SCN8A: variants seen among roughly 807,000 people sequenced by gnomAD.
SCN8A encodes sodium channel protein type 8 subunit alpha.
Under a neutral mutation model 184.1 loss-of-function variants are expected in SCN8A, and 30 were observed. The ratio of observed to expected loss-of-function variants is 0.16; its 90% CI spans 0.12 to 0.22. The LOEUF (loss-of-function observed/expected upper bound fraction) is 0.22, where lower values mean the gene tolerates loss of function less well. Among genes scored for constraint, SCN8A ranks in the 10% least tolerant of loss-of-function variants. SCN8A has a pLI of 1.00. For missense variants in SCN8A, 1,057 were observed against 2,498.9 expected, an observed-to-expected ratio of 0.42 and a Z score of 12.30; for synonymous variants, 852 against 907.0, an observed-to-expected ratio of 0.94 and a Z score of 1.09.
intron 25 of SCN8A, among the ~76,000 whole-genome samples, chr12:51,792,845 C>T (rs935881598): frequency 2.0e-5 from 3 of 152,164 alleles, no homozygotes; most frequent in Non-Finnish European, 4.4e-5. Flanking sequence ...CAGGTTCAAG[C>T]AATTCTCGTG....
intron 21 of SCN8A, among the ~76,000 whole-genome samples, chr12:51,781,874 A>G (rs2081250506): frequency 6.6e-6 from 1 of 152,204 alleles, no homozygotes; most frequent in Non-Finnish European, 1.5e-5. Flanking sequence ...AATAAAAATT[A>G]AACTGTTACG....
chr12:51,696,664 A>T (rs1238212107), intron 6 of SCN8A, among the ~76,000 whole-genome samples: 1 of 152,200 alleles, frequency 6.6e-6, no homozygotes, highest in East Asian at 1.9e-4. Flanking sequence ...ACTGCTGTGT[A>T]GTGGTGTGTT....
At position 51,721,640 on chromosome 12, in the gene SCN8A, C is replaced by T. The variant is rs373820887; in HGVS notation, c.1730C>T (p.Pro577Leu). 2 of 1,611,652 alleles carry T rather than the reference C, an allele frequency of 1.2e-6. No individual in the cohort carries two copies. The highest frequency in any genetic ancestry group is 1.7e-6 in the Non-Finnish European group (2 of 1,178,916). The change falls in exon 12 of 27, where the codon CCG becomes CTG. Residue 577 changes from proline to leucine, a missense_variant. Transcript: ENST00000627620. ...AGGGGACCTGGGCGGTTCCGAGACC[C>T]GGGCTCCGAGAATGAGTTCGCGGAT... ...SFRGPGRFRDPGSENEFADDE... is the reference protein window; with the variant it reads ...SFRGPGRFRDLGSENEFADDE...
intron 13 of SCN8A, among the ~76,000 whole-genome samples, chr12:51,747,349 T>C (rs1007433340): frequency 8.5e-5 from 13 of 152,184 alleles, no homozygotes; most frequent in African/African-American, 3.1e-4. Flanking sequence ...ATAGAACATC[T>C]TCAAGCTTTG....
chr12:51,641,729 G>A (rs142006052), intron 1 of SCN8A, among the ~76,000 whole-genome samples: 1 of 152,214 alleles, frequency 6.6e-6, no homozygotes, highest in Non-Finnish European at 1.5e-5. Flanking sequence ...AAGGCAGTGT[G>A]TTATAGAAAA....
At chr12:51,649,931 C>T (rs923856124) in intron 1 of SCN8A, among the ~76,000 whole-genome samples, 2 of 152,174 alleles carry the variant, frequency 1.3e-5, no homozygotes, top group African/African-American at 2.4e-5. Flanking sequence ...CAAATTTTTA[C>T]TCTCAGCTTC....
rs911670402 is a variant in SCN8A at position 51,620,155 on chromosome 12, G to A, written c.-55+28796G>A. 2.6e-5 allele frequency among the ~76,000 whole-genome samples: 4 copies of A among 152,258 alleles called. No individual in the cohort carries two copies. In the East Asian group the frequency reaches 7.7e-4, roughly 29 times the overall value. On this transcript the variant is annotated intron_variant, in intron 1 of 26. Transcript: ENST00000627620. ...ATTGTGGTGATAATTTTAAGTCAAAGCTTTCTTGGAAAATCTGAGATGCAG... is the reference window on the plus strand; with the variant it reads ...ATTGTGGTGATAATTTTAAGTCAAAACTTTCTTGGAAAATCTGAGATGCAG...
chr12:51,672,288 CTTTCATGAT>C (rs1052433490), intron 2 of SCN8A, among the ~76,000 whole-genome samples: 1 of 152,168 alleles, frequency 6.6e-6, no homozygotes, highest in Non-Finnish European at 1.5e-5. Context: ...ATCCTCACCC[CTTTCATGAT>C]ATTATAAGAT....
intron 6 of SCN8A, among the ~76,000 whole-genome samples, chr12:51,691,859 G>C (rs1022217651): frequency 1.5e-4 from 23 of 152,180 alleles, no homozygotes; most frequent in African/African-American, 5.1e-4. Flanking sequence ...CATCCCATGG[G>C]AAATTCTGAA....
At chr12:51,781,789 A>G (rs1177573215) in intron 21 of SCN8A, among the ~76,000 whole-genome samples, 1 of 152,232 alleles carries the variant, frequency 6.6e-6, no homozygotes, top group Non-Finnish European at 1.5e-5. Context: ...AACTCGCTTC[A>G]ATTCAGATGT....
intron 2 of SCN8A, among the ~76,000 whole-genome samples, chr12:51,680,662 G>A (rs1036816368): frequency 5.3e-5 from 8 of 152,220 alleles, no homozygotes; most frequent in Non-Finnish European, 1.0e-4. Context: ...TTTCCATCAC[G>A]ACCAAACCAA....
In SCN8A at chr12:51,624,609, T is replaced by G. The variant is rs570253624; in HGVS notation, c.-55+33250T>G. On this transcript the variant is annotated intron_variant, in intron 1 of 26. Coordinates refer to ENST00000627620, the MANE Select transcript of SCN8A (RefSeq NM_001330260.2). Reference sequence around the variant, plus strand: ...TTTCTTTTGCTGTGCAGAAGCTCTTTAGTTTAATTAGATCCCATTTGTCAA... The same window carrying G: ...TTTCTTTTGCTGTGCAGAAGCTCTTGAGTTTAATTAGATCCCATTTGTCAA... Among the ~76,000 whole-genome samples, 289 of 152,182 alleles carry G rather than the reference T, an allele frequency of 1.9e-3. 1 individual carries two copies. Among genetic ancestry groups the G allele is most frequent in the Middle Eastern group, 6.8e-3 (2 of 294 alleles).
At chr12:51,696,414 A>C (rs2138729406) in intron 6 of SCN8A, among the ~76,000 whole-genome samples, 1 of 152,346 alleles carries the variant, frequency 6.6e-6, no homozygotes, top group South Asian at 2.1e-4. Context: ...TCTGTTCCTT[A>C]GCAACTAAAT....
chr12:51,709,707 A>C (rs775112826), intron 11 of SCN8A, among the ~76,000 whole-genome samples: 8 of 152,132 alleles, frequency 5.3e-5, no homozygotes, highest in Non-Finnish European at 8.8e-5. Flanking sequence ...GGAAATAAGC[A>C]TGTTTATACT....
At chr12:51,624,297 C>T (rs373908099) in intron 1 of SCN8A, among the ~76,000 whole-genome samples, 73 of 152,258 alleles carry the variant, frequency 4.8e-4, no homozygotes, top group African/African-American at 1.5e-3. Context: ...TTTTAATGAT[C>T]GCCATTCTAA....
chr12:51,676,242 C>G (rs1941221260), intron 2 of SCN8A, among the ~76,000 whole-genome samples: 4 of 152,162 alleles, frequency 2.6e-5, no homozygotes, highest in Admixed American at 1.3e-4. Flanking sequence ...CCAGTTATGC[C>G]TTTGCTGGAG....
chr12:51,690,629 T>C (rs1348269414), intron 6 of SCN8A, among the ~76,000 whole-genome samples: 1 of 152,224 alleles, frequency 6.6e-6, no homozygotes, highest in Non-Finnish European at 1.5e-5. Flanking sequence ...CCCAAAGTGC[T>C]GGGATTACAG....
intron 1 of SCN8A, among the ~76,000 whole-genome samples, chr12:51,653,269 G>A (rs755346209): frequency 7.9e-5 from 12 of 152,100 alleles, no homozygotes; most frequent in African/African-American, 1.9e-4. Flanking sequence ...GCAGTGAGCC[G>A]AGATCATTTA....
intron 12 of SCN8A, among the ~76,000 whole-genome samples, chr12:51,736,834 G>A (rs1208089919): frequency 6.6e-6 from 1 of 152,200 alleles, no homozygotes; most frequent in Non-Finnish European, 1.5e-5. Flanking sequence ...CATTTCAAAA[G>A]CAGTCAATAC....
Sources: gnomAD v4.1 joint callset for allele counts (sites outside exome capture counted in the v4.1 genomes callset) on GRCh38, gnomAD v4.1.1 for gene constraint, MANE v1.5 for transcripts, NCBI Gene and HGNC (gene_info 2026-07-23, HGNC 2026-07-21) for gene names.